DNM3: variants seen among roughly 807,000 people sequenced by gnomAD.
DNM3 encodes dynamin-3.
Under a neutral mutation model 101.6 loss-of-function variants are expected in DNM3, and 47 were observed. That is an observed-to-expected ratio of 0.46 (90% confidence interval 0.37 to 0.59). DNM3 has a LOEUF of 0.59. DNM3 is among the 20% of genes least tolerant of loss of function. The probability of loss-of-function intolerance (pLI) is 0.00; values close to 1 mark genes in which losing one functional copy is unlikely to be tolerated. For missense variants in DNM3, 849 were observed against 1,085.7 expected, an observed-to-expected ratio of 0.78 and a Z score of 3.06; for synonymous variants, 385 against 387.9, an observed-to-expected ratio of 0.99 and a Z score of 0.09.
chr1:172,354,112 T>TGTGTGTGAGAGAGAGAGAGA (rs138540712), intron 17 of DNM3, among the ~76,000 whole-genome samples: 19 of 94,962 alleles, frequency 2.0e-4, no homozygotes, highest in African/African-American at 8.0e-4. Flanking sequence ...TGTGTGTGTG[T>TGTGTGTGAGAGAGAGAGAGA]GAGAGAGAGA....
chr1:172,017,617 G>A (rs979970295), intron 4 of DNM3, among the ~76,000 whole-genome samples: 11 of 152,054 alleles, frequency 7.2e-5, no homozygotes, highest in African/African-American at 1.2e-4. Flanking sequence ...GTCTATCTTC[G>A]TGAGTGTCCA....
chr1:172,262,991 G>A (rs79230442), intron 15 of DNM3, among the ~76,000 whole-genome samples: 6,592 of 152,182 alleles, frequency 0.043, 433 homozygotes, highest in African/African-American at 0.14. Context: ...CGGGGAGGAG[G>A]CAATTGATAA....
At chr1:172,349,940 T>G (rs1253243152) in intron 17 of DNM3, among the ~76,000 whole-genome samples, 1 of 152,120 alleles carries the variant, frequency 6.6e-6, no homozygotes, top group East Asian at 1.9e-4. Flanking sequence ...CTCATGTATA[T>G]AGAAAACTCA....
At chr1:171,985,738 T>G (rs2045204999) in intron 2 of DNM3, among the ~76,000 whole-genome samples, 1 of 152,226 alleles carries the variant, frequency 6.6e-6, no homozygotes, top group Non-Finnish European at 1.5e-5. Flanking sequence ...TTTCAATTCT[T>G]TGGTAAATTA....
rs368059775 is a variant in DNM3 at position 172,396,791 on chromosome 1, T to C, written c.2522+7982T>C. Among the ~76,000 whole-genome samples, 4 of 152,224 alleles carry C rather than the reference T, an allele frequency of 2.6e-5. No individual in the cohort carries two copies. In the East Asian group the frequency reaches 5.8e-4, roughly 22 times the overall value. The stretch of plus-strand genomic sequence containing the variant: ...CGTCTGTATATTTAAATATATAACA[T>C]TCATTTGCAGTATTTCATTTATCTC... On this transcript the variant is annotated intron_variant, in intron 20 of 20. Transcript: ENST00000627582.
At chr1:172,386,133 C>G (rs1274582451) in intron 18 of DNM3, among the ~76,000 whole-genome samples, 1 of 152,194 alleles carries the variant, frequency 6.6e-6, no homozygotes, top group South Asian at 2.1e-4. Context: ...TATGAAGCCA[C>G]TTGGTATATA....
chr1:171,899,307 G>A (rs902834551), intron 1 of DNM3, among the ~76,000 whole-genome samples: 1 of 152,160 alleles, frequency 6.6e-6, no homozygotes, highest in Admixed American at 6.5e-5. Context: ...GGAGATTTTT[G>A]CTAGTGTGCC....
intron 14 of DNM3, among the ~76,000 whole-genome samples, chr1:172,160,659 A>G (rs78064272): frequency 0.03 from 4,514 of 152,152 alleles, 99 homozygotes; most frequent in Middle Eastern, 0.085. Context: ...TGACTGTTTT[A>G]CAGTTAACTT....
At chr1:172,105,616 T>TA (rs2054956637) in intron 13 of DNM3, among the ~76,000 whole-genome samples, 2 of 152,222 alleles carry the variant, frequency 1.3e-5, no homozygotes, top group South Asian at 4.1e-4. Flanking sequence ...AATTGAAGAT[T>TA]AAAATCTTGT....
At chr1:172,310,267 A>C (rs1476107151) in intron 16 of DNM3, 1 of 152,192 alleles carries the variant, frequency 6.6e-6, no homozygotes, top group Non-Finnish European at 1.5e-5. Context: ...TTCTATATTA[A>C]AAATGCACAC....
At chr1:171,898,612 C>A (rs1042096904) in intron 1 of DNM3, among the ~76,000 whole-genome samples, 1 of 151,698 alleles carries the variant, frequency 6.6e-6, no homozygotes, top group African/African-American at 2.4e-5. Context: ...GGAAATTAGC[C>A]ACTTTTAACA....
intron 1 of DNM3, among the ~76,000 whole-genome samples, chr1:171,865,448 C>T (rs1413856710): frequency 3.7e-5 from 5 of 135,748 alleles, no homozygotes; most frequent in East Asian, 2.3e-4. Flanking sequence ...ACTGGGAGGT[C>T]GAGGCTGCGG....
intron 2 of DNM3, among the ~76,000 whole-genome samples, chr1:171,933,991 G>A (rs549032569): frequency 6.6e-6 from 1 of 152,294 alleles, no homozygotes; most frequent in East Asian, 1.9e-4. Context: ...AGTATTTGCT[G>A]ATAGTAATCA....
At chr1:172,378,933 A>G in intron 17 of DNM3, 85 bp from the exon 18 acceptor site, 1 of 1,409,296 alleles carries the variant, frequency 7.1e-7, no homozygotes, top group Non-Finnish European at 9.6e-7. Context: ...TGCTAATCAG[A>G]AGTTGATAAT....
intron 6 of DNM3, among the ~76,000 whole-genome samples, chr1:172,034,907 C>T (rs1241597281): frequency 1.3e-5 from 2 of 152,046 alleles, no homozygotes; most frequent in East Asian, 1.9e-4. Flanking sequence ...GATTTTGGCT[C>T]TTACCTAAGA....
chr1:172,133,893 G>A (rs1395637808), intron 14 of DNM3, among the ~76,000 whole-genome samples: 1 of 152,166 alleles, frequency 6.6e-6, no homozygotes, highest in Non-Finnish European at 1.5e-5. Flanking sequence ...CCAGTAGATG[G>A]GGGCCTTATC....
chr1:172,314,308 A>G (rs1464750568), intron 16 of DNM3, among the ~76,000 whole-genome samples: 2 of 152,328 alleles, frequency 1.3e-5, no homozygotes, highest in East Asian at 3.9e-4. Context: ...AGCGTGAGCA[A>G]CGCAGAAGAC....
Position 172,011,365 on chromosome 1 carries a change from C to A in DNM3, c.590-21037C>A, listed in dbSNP as rs1285130447. 9.9e-5 allele frequency among the ~76,000 whole-genome samples: 15 copies of A among 151,952 alleles called. No individual in the cohort carries two copies. The East Asian group carries it at 2.7e-3, about 27-fold the overall frequency. ...GGATTTAAAAAAGACATAATGGGAC[C>A]CCTATGAAAATTTCTGGACCTCCTT... On this transcript the variant is annotated intron_variant, in intron 4 of 20. Coordinates refer to ENST00000627582, the MANE Select transcript of DNM3 (RefSeq NM_015569.5).
At chr1:171,886,209 G>A (rs1031644549) in intron 1 of DNM3, among the ~76,000 whole-genome samples, 5 of 152,198 alleles carry the variant, frequency 3.3e-5, no homozygotes, top group Non-Finnish European at 7.3e-5. Context: ...TTCTCTTTTA[G>A]GAAACCTGTC....
Sources: allele counts gnomAD v4.1 joint callset (sites outside exome capture counted in the v4.1 genomes callset), GRCh38; gene constraint gnomAD v4.1.1; transcripts MANE v1.5; gene names NCBI Gene and HGNC (gene_info 2026-07-23, HGNC 2026-07-21).